DLGAP2: variants seen among roughly 807,000 people sequenced by gnomAD.
The protein encoded by DLGAP2 is DLG associated protein 2.
In DLGAP2, 26 loss-of-function variants were observed where a neutral mutation model predicts 100.3. That is an observed-to-expected ratio of 0.26 (90% CI 0.19 to 0.36). DLGAP2 has a LOEUF of 0.36. Ranked by LOEUF, DLGAP2 falls within the 10% of genes least tolerant of loss-of-function variation. The pLI, the probability that DLGAP2 is intolerant of heterozygous loss-of-function variation, is 1.00. For synonymous variants in DLGAP2, 886 were observed against 630.1 expected, an observed-to-expected ratio of 1.41 and a Z score of -6.08; for missense variants, 1,858 against 1,453.2, an observed-to-expected ratio of 1.28 and a Z score of -4.53.
chr8:1,422,560 T>C (rs1485558782), intron 3 of DLGAP2, among the ~76,000 whole-genome samples: 1 of 119,630 alleles, frequency 8.4e-6, no homozygotes, highest in Non-Finnish European at 1.8e-5. Flanking sequence ...TTCTTTGACA[T>C]TAAAAAAAAA....
intron 4 of DLGAP2, among the ~76,000 whole-genome samples, chr8:1,514,968 G>C (rs964960744): frequency 6.6e-6 from 1 of 152,156 alleles, no homozygotes; most frequent in Non-Finnish European, 1.5e-5. Flanking sequence ...CCGACGTGCA[G>C]GGACACCAAC....
chr8:1,145,750 C>T lies in DLGAP2; in HGVS notation c.74-113101C>T, dbSNP rs1172614947. 2.8e-5 allele frequency among the ~76,000 whole-genome samples: 4 copies of T among 144,818 alleles called. 1 individual carries two copies. Among genetic ancestry groups the T allele is most frequent in the South Asian group, 2.4e-4 (1 of 4,194 alleles). The stretch of plus-strand genomic sequence containing the variant: ...TTAGCATTAGGTATATCTCCTAATG[C>T]TATCCCTCCCCCCTCCCCCCACCCC... On this transcript the variant is annotated intron_variant, in intron 2 of 14. Transcript: ENST00000637795.
At chr8:1,194,537 A>G (rs111881149) in intron 2 of DLGAP2, among the ~76,000 whole-genome samples, 2 of 152,172 alleles carry the variant, frequency 1.3e-5, no homozygotes, top group African/African-American at 4.8e-5. Flanking sequence ...ATGTGAAGAA[A>G]TTCTCCATCA....
chr8:773,140 C>T (rs1166646732), intron 1 of DLGAP2, among the ~76,000 whole-genome samples: 1 of 152,200 alleles, frequency 6.6e-6, no homozygotes, highest in African/African-American at 2.4e-5. Flanking sequence ...CTTCTCACAG[C>T]TCTGGAGGCT....
chr8:1,434,605 T>C (rs1376224359), intron 3 of DLGAP2, among the ~76,000 whole-genome samples: 1 of 152,206 alleles, frequency 6.6e-6, no homozygotes. Context: ...AGTTCCCGAG[T>C]AGCTGGGACT....
chr8:1,364,510 G>GGA (rs1554452293), intron 3 of DLGAP2, among the ~76,000 whole-genome samples: 1 of 149,090 alleles, frequency 6.7e-6, no homozygotes, highest in African/African-American at 2.5e-5. Flanking sequence ...GGCGGGGGGG[G>GGA]TGCAGCGAAG....
intron 2 of DLGAP2, among the ~76,000 whole-genome samples, chr8:1,166,095 C>G (rs916461805): frequency 9.2e-5 from 14 of 152,222 alleles, no homozygotes; most frequent in African/African-American, 2.4e-4. Context: ...TGCCCTCTCT[C>G]AGGTCATGGC....
At chr8:1,010,310 TATACACAC>T (rs1292582919) in intron 2 of DLGAP2, among the ~76,000 whole-genome samples, 1 of 151,918 alleles carries the variant, frequency 6.6e-6, no homozygotes, top group East Asian at 1.9e-4. Flanking sequence ...ATATCAGTTT[TATACACAC>T]ATACACACAT....
chr8:1,247,199 G>T (rs1490724582), intron 2 of DLGAP2: 1 of 85,910 alleles, frequency 1.2e-5, no homozygotes. Context: ...TGGCTGGGAA[G>T]ACCTTTGAGA....
chr8:1,511,883 T>C (rs952076730), intron 4 of DLGAP2, among the ~76,000 whole-genome samples: 3 of 152,232 alleles, frequency 2.0e-5, no homozygotes, highest in African/African-American at 7.2e-5. Context: ...TGTTTAGGAA[T>C]TGGAAAGAGA....
chr8:1,292,553 T>C (rs1585228735), intron 3 of DLGAP2, among the ~76,000 whole-genome samples: 1 of 152,262 alleles, frequency 6.6e-6, no homozygotes, highest in South Asian at 2.1e-4. Context: ...TAATAACTTC[T>C]GTATATATGT....
At chr8:1,601,300 T>C (rs2130703036) in intron 6 of DLGAP2, among the ~76,000 whole-genome samples, 1 of 152,310 alleles carries the variant, frequency 6.6e-6, no homozygotes, top group African/African-American at 2.4e-5. Context: ...CTGTGTGATG[T>C]GTCTGTTGAT....
intron 2 of DLGAP2, among the ~76,000 whole-genome samples, chr8:1,234,665 A>C (rs1798605773): frequency 6.6e-6 from 1 of 152,212 alleles, no homozygotes; most frequent in Non-Finnish European, 1.5e-5. Flanking sequence ...CAGATCGAGA[A>C]CGAGGCTTAA....
At chr8:1,514,136 C>T (rs1163738656) in intron 4 of DLGAP2, among the ~76,000 whole-genome samples, 1 of 152,260 alleles carries the variant, frequency 6.6e-6, no homozygotes, top group Non-Finnish European at 1.5e-5. Context: ...CCAGGTGAAG[C>T]AAAGCCTGCA....
intron 2 of DLGAP2, among the ~76,000 whole-genome samples, chr8:973,053 T>C (rs1227762759): frequency 6.6e-6 from 1 of 152,262 alleles, no homozygotes; most frequent in African/African-American, 2.4e-5. Flanking sequence ...GATTTCTCTA[T>C]CTTTTCACCA....
At chr8:1,130,898 G>T (rs1339483198) in intron 2 of DLGAP2, among the ~76,000 whole-genome samples, 1 of 150,556 alleles carries the variant, frequency 6.6e-6, no homozygotes, top group East Asian at 1.9e-4. Context: ...GGCAGCGGCT[G>T]GGCTGAGAGA....
intron 2 of DLGAP2, among the ~76,000 whole-genome samples, chr8:1,064,344 C>T (rs1445417054): frequency 6.6e-6 from 1 of 152,204 alleles, no homozygotes; most frequent in African/African-American, 2.4e-5. Flanking sequence ...AAGAGGTACA[C>T]ACAATTCCTC....
At chr8:1,515,258 C>G (rs762881423) in intron 4 of DLGAP2, among the ~76,000 whole-genome samples, 10 of 152,142 alleles carry the variant, frequency 6.6e-5, no homozygotes, top group Non-Finnish European at 1.2e-4. Flanking sequence ...GTCTTTCTTT[C>G]TTTTGAAGGG....
chr8:1,392,042 T>G (rs556614371), intron 3 of DLGAP2, among the ~76,000 whole-genome samples: 5 of 152,296 alleles, frequency 3.3e-5, no homozygotes, highest in African/African-American at 1.2e-4. Flanking sequence ...ATCTATCCCC[T>G]TGTTGCGATG....
Sources: allele counts gnomAD v4.1 joint callset (sites outside exome capture counted in the v4.1 genomes callset), GRCh38; gene constraint gnomAD v4.1.1; transcripts MANE v1.5; gene names NCBI Gene and HGNC (gene_info 2026-07-23, HGNC 2026-07-21).